Variants in PTK2B observed in about 807,000 individuals in gnomAD.
The protein encoded by PTK2B is protein-tyrosine kinase 2-beta.
A neutral mutation model predicts 142.9 loss-of-function variants in PTK2B; 71 were observed. That is an observed-to-expected ratio of 0.50 (90% CI 0.41 to 0.61). The LOEUF is 0.61. Ranked by LOEUF, PTK2B falls within the 20% of genes least tolerant of loss-of-function variation. The pLI is 0.00. For synonymous variants in PTK2B, 519 were observed against 503.4 expected, an observed-to-expected ratio of 1.03 and a Z score of -0.42; for missense variants, 1,105 against 1,320.4, an observed-to-expected ratio of 0.84 and a Z score of 2.53.
intron 1 of PTK2B, among the ~76,000 whole-genome samples, chr8:27,377,710 G>C (rs931614256): frequency 6.6e-6 from 1 of 152,180 alleles, no homozygotes; most frequent in Non-Finnish European, 1.5e-5. Flanking sequence ...TCACGGGAGG[G>C]TATTTTTACT....
chr8:27,402,863 G>A (rs754715686), intron 2 of PTK2B, among the ~76,000 whole-genome samples: 8 of 152,146 alleles, frequency 5.3e-5, no homozygotes, highest in Non-Finnish European at 1.0e-4. Flanking sequence ...TCCCACATCC[G>A]TTCTTGCCTT....
intron 3 of PTK2B, among the ~76,000 whole-genome samples, chr8:27,313,615 A>G (rs913557135): frequency 1.3e-5 from 2 of 152,020 alleles, no homozygotes; most frequent in African/African-American, 2.4e-5. Context: ...TGCCCTCCCT[A>G]TGCTTGGGAG....
chr8:27,374,773 C>G (rs1288732820), intron 1 of PTK2B, among the ~76,000 whole-genome samples: 4 of 152,100 alleles, frequency 2.6e-5, no homozygotes, highest in Non-Finnish European at 5.9e-5. Context: ...CAGTGGGGCC[C>G]CATGTCAAAG....
intron 1 of PTK2B, among the ~76,000 whole-genome samples, chr8:27,353,472 G>A (rs1805215270): frequency 2.0e-5 from 3 of 152,132 alleles, no homozygotes; most frequent in Admixed American, 2.0e-4. Flanking sequence ...GGCCCAGCTT[G>A]GCCTAACTAT....
At position 27,433,528 on chromosome 8, in the gene PTK2B, T is replaced by G. The variant is rs1381134165; in HGVS notation, c.1081T>G (p.Ser361Ala). The change falls in exon 11 of 31, where the codon TCT (serine) becomes GCT (alanine). Residue 361 changes from serine to alanine, a missense_variant. Ser to Ala is a moderately conservative substitution (Grantham distance 99). Coordinates refer to ENST00000346049, the MANE Select transcript of PTK2B (RefSeq NM_173176.3). Reference sequence around the variant, plus strand: ...CCGGCTGCAGGGTGAGCACCAAGGCTCTCTCATCATCCATCCTAGGAAAGG... The same window carrying G: ...CCGGCTGCAGGGTGAGCACCAAGGCGCTCTCATCATCCATCCTAGGAAAGG... The part of the protein sequence containing the change: ...YCRLQGEHQG[S>A]LIIHPRKDGE... 8 of 1,613,824 alleles carry G rather than the reference T, an allele frequency of 5.0e-6. No individual in the cohort carries two copies. Among genetic ancestry groups the G allele is most frequent in the Admixed American group, 3.3e-5 (2 of 60,004 alleles).
At chr8:27,361,160 A>T (rs1446758856) in intron 1 of PTK2B, among the ~76,000 whole-genome samples, 2 of 152,094 alleles carry the variant, frequency 1.3e-5, no homozygotes, top group Non-Finnish European at 2.9e-5. Context: ...TCCACACTCT[A>T]TGTCCATATG....
At chr8:27,444,408 C>A in intron 23 of PTK2B, 137 bp downstream of exon 23, 1 of 909,822 alleles carries the variant, frequency 1.1e-6, no homozygotes, top group Non-Finnish European at 1.7e-6. Context: ...TTCTTTGGCA[C>A]CCAGAACAGA....
chr8:27,311,243 G>C, upstream of PTK2B: 1 of 1,512,672 alleles, frequency 6.6e-7, no homozygotes, highest in Non-Finnish European at 8.8e-7. Flanking sequence ...CATGGCACGA[G>C]CAGCCGGCTC....
Position 27,435,791 on chromosome 8 carries a change from G to A in PTK2B, c.1241G>A (p.Gly414Glu), listed in dbSNP as rs41276291. The A allele has an allele frequency of 4.3e-5, 69 of 1,614,056 alleles. No homozygotes were observed. The East Asian group carries it at 1.3e-3, about 31-fold the overall frequency. The change falls in exon 14 of 31, where the codon GGA (glycine) becomes GAA (glutamate). Residue 414 changes from glycine (G) to glutamate (E), a missense_variant and splice_region_variant. Gly to Glu is a moderately conservative substitution (Grantham distance 98). Transcript: ENST00000346049. The stretch of plus-strand genomic sequence containing the variant: ...CCCGACGAAACCCTGCGAAGGCCCG[G>A]AGGTAGGTTCTCGACCCCGCCACAG... The part of the protein sequence containing the change: ...EIPDETLRRP[G>E]GPQYGIARED...
At chr8:27,449,532 T>TTGCA (rs1485821268) in intron 24 of PTK2B, among the ~76,000 whole-genome samples, 1 of 152,276 alleles carries the variant, frequency 6.6e-6, no homozygotes, top group Non-Finnish European at 1.5e-5. Flanking sequence ...GCAAGTGACC[T>TTGCA]GTATGCAAAT....
At chr8:27,316,658 TC>T (rs1803102117) in intron 3 of PTK2B, among the ~76,000 whole-genome samples, 1 of 152,192 alleles carries the variant, frequency 6.6e-6, no homozygotes, top group Non-Finnish European at 1.5e-5. Context: ...ACCAAGTAAA[TC>T]TTTGAGGAAA....
At chr8:27,447,309 T>A (rs1327576176) in intron 24 of PTK2B, among the ~76,000 whole-genome samples, 1 of 152,220 alleles carries the variant, frequency 6.6e-6, no homozygotes, top group Non-Finnish European at 1.5e-5. Context: ...GTTAAAAATA[T>A]AAGCTCCATT....
In PTK2B at chr8:27,368,547, C is replaced by T. The variant is rs548865580; in HGVS notation, c.-37-29001C>T. Among the ~76,000 whole-genome samples, 12 of 152,350 alleles carry T rather than the reference C, an allele frequency of 7.9e-5. No homozygotes were observed. The South Asian group carries it at 1.7e-3, about 21-fold the overall frequency. Reference sequence around the variant, plus strand: ...ATAGTCTTGGCCCTATTGCAATAAACTGGAAACAAGGCTTCCTGCCTGATT... The same window carrying T: ...ATAGTCTTGGCCCTATTGCAATAAATTGGAAACAAGGCTTCCTGCCTGATT... On this transcript the variant is annotated intron_variant, in intron 1 of 30. Coordinates refer to ENST00000346049, the MANE Select transcript of PTK2B (RefSeq NM_173176.3).
chr8:27,456,605 G>A (rs1277425271), intron 30 of PTK2B, among the ~76,000 whole-genome samples: 1 of 152,184 alleles, frequency 6.6e-6, no homozygotes, highest in Non-Finnish European at 1.5e-5. Flanking sequence ...GCATGTTCAA[G>A]TAAAAGGAAG....
intron 1 of PTK2B, among the ~76,000 whole-genome samples, chr8:27,364,850 C>A (rs1175679178): frequency 6.6e-6 from 1 of 152,170 alleles, no homozygotes; most frequent in African/African-American, 2.4e-5. Context: ...TCATTATCGC[C>A]CCCATCTTGA....
chr8:27,357,707 A>G (rs1243132670), intron 1 of PTK2B, among the ~76,000 whole-genome samples: 1 of 152,242 alleles, frequency 6.6e-6, no homozygotes, highest in East Asian at 1.9e-4. Context: ...AGATATAGAT[A>G]GCCAAGAGTA....
chr8:27,314,117 C>T (rs552095631), intron 3 of PTK2B, among the ~76,000 whole-genome samples: 62 of 152,310 alleles, frequency 4.1e-4, no homozygotes, highest in African/African-American at 1.4e-3. Flanking sequence ...GACAGACAGG[C>T]CTAGGTTCCC....
Position 27,347,772 on chromosome 8 carries a change from C to G in PTK2B, c.-38+22091C>G, listed in dbSNP as rs150955390. On this transcript the variant is annotated intron_variant, in intron 1 of 30. Transcript: ENST00000346049. ...GGAATTTTGGGGGACACAATTCAGC[C>G]AGAACATTCTATCTTAGCATCATCT... Among the ~76,000 whole-genome samples, 789 of 152,302 alleles carry G rather than the reference C, an allele frequency of 5.2e-3. 11 individuals are homozygous for G. Among genetic ancestry groups the G allele is most frequent in the African/African-American group, 0.018 (755 of 41,550 alleles).
intron 1 of PTK2B, among the ~76,000 whole-genome samples, chr8:27,390,280 A>C (rs1003808044): frequency 6.6e-6 from 1 of 152,122 alleles, no homozygotes; most frequent in Non-Finnish European, 1.5e-5. Context: ...CACTGGAGGT[A>C]GAAGGGGCTG....
Sources: allele counts gnomAD v4.1 joint callset (sites outside exome capture counted in the v4.1 genomes callset), GRCh38; gene constraint gnomAD v4.1.1; transcripts MANE v1.5; gene names NCBI Gene and HGNC (gene_info 2026-07-23, HGNC 2026-07-21).